The following DSC1 variants were observed in gnomAD, a reference collection of about 807,000 sequenced individuals.
The protein encoded by DSC1 is desmocollin 1.
A neutral mutation model predicts 98.8 loss-of-function variants in DSC1; 79 were observed. The observed-to-expected ratio is 0.80, with a 90% CI of 0.67 to 0.96. DSC1 has a LOEUF of 0.96. Among genes scored for constraint, DSC1 ranks in the 50% least tolerant of loss-of-function variants. The pLI, the probability that DSC1 is intolerant of heterozygous loss-of-function variation, is 0.00. For missense variants in DSC1, 1,115 were observed against 1,075.9 expected (o/e 1.04, Z -0.51); for synonymous variants, 405 against 372.1 (o/e 1.09, Z -1.02).
chr18:31,162,851 A>C lies in DSC1; in HGVS notation c.-257T>G. On this transcript the variant is annotated 5_prime_UTR_variant, in exon 1 of 16. Coordinates refer to ENST00000257198, the MANE Select transcript of DSC1 (RefSeq NM_024421.2). Reference sequence around the variant, plus strand: ...CGTCTAAATGCAAAGAGGCTTTCCTACAAGTGAGGAGGGTGGGGTACAAAA... The same window carrying C: ...CGTCTAAATGCAAAGAGGCTTTCCTCCAAGTGAGGAGGGTGGGGTACAAAA... 1 of 463,440 alleles carries C rather than the reference A, an allele frequency of 2.2e-6. No individual in the cohort carries two copies. The highest frequency in any genetic ancestry group is 3.9e-6 in the Non-Finnish European group (1 of 256,886). 28.7% of individuals were successfully genotyped at this position (463,440 alleles called of 1,614,324 possible). A position where few individuals can be genotyped will look rare whatever the true frequency, so the allele number is the denominator to read the frequency against.
chr18:31,159,489 A>C lies in DSC1; in HGVS notation c.104T>G (p.Leu35Arg). The C allele has an allele frequency of 6.2e-7, 1 of 1,613,568 alleles. No homozygotes were observed. Among genetic ancestry groups the C allele is most frequent in the Non-Finnish European group, 8.5e-7 (1 of 1,179,818 alleles). Residue 35 changes from leucine (L) to arginine (R), a missense_variant, in exon 2 of 16, where the codon CTT (leucine) becomes CGT (arginine). Leu to Arg is a moderately radical substitution (Grantham distance 102). Coordinates refer to ENST00000257198, the MANE Select transcript of DSC1 (RefSeq NM_024421.2). ...LLCDACQKVY[L>R]RVPSHLQAET... Reference sequence around the variant, plus strand: ...AGCCTGAAGATGAGAAGGAACTCGAAGATAAACTTTCTGACAAGCATCGCA... The same window carrying C: ...AGCCTGAAGATGAGAAGGAACTCGACGATAAACTTTCTGACAAGCATCGCA...
In DSC1 at chr18:31,139,749, TG is replaced by T; in HGVS notation, c.1661del (p.Ala554GlufsTer10). On this transcript the variant is annotated frameshift_variant and splice_region_variant, in exon 11 of 16. Transcript: ENST00000257198. LOFTEE classifies it high-confidence loss of function. ...TTATCTGTAGAAAATGGCACTCACC[TG>T]CATCCACTGCAACAACTGAAATATT... ...QYNISVVAVD[A>X]VGRSCTGTLV... The T allele has an allele frequency of 6.3e-7, 1 of 1,596,356 alleles. No individual in the cohort carries two copies. The highest frequency in any genetic ancestry group is 8.5e-7 in the Non-Finnish European group (1 of 1,173,740).
At chr18:31,156,526 C>T (rs1469670509) in intron 3 of DSC1, among the ~76,000 whole-genome samples, 1 of 152,192 alleles carries the variant, frequency 6.6e-6, no homozygotes, top group Non-Finnish European at 1.5e-5. Flanking sequence ...CCTCACTCCA[C>T]AATACAATCA....
chr18:31,132,831 T>G (rs1200750222), intron 13 of DSC1, 142 bp from the exon 14 acceptor site: 49 of 722,802 alleles, frequency 6.8e-5, no homozygotes, highest in Non-Finnish European at 1.0e-4. Context: ...AAACAGAATA[T>G]TTTAAAAATG....
In DSC1 at chr18:31,148,585, T is replaced by C; in HGVS notation, c.685A>G (p.Ile229Val). The change falls in exon 6 of 16, where the codon ATC becomes GTC. Residue 229 changes from isoleucine (I) to valine (V), a missense_variant. Physicochemically the swap from Ile to Val is conservative, Grantham distance 29. Coordinates refer to ENST00000257198, the MANE Select transcript of DSC1 (RefSeq NM_024421.2). ...TCATTATCATCTTCAATTTTGATGATCAAAGGGAGTGGATATTCTGGTGCA... is the reference window on the plus strand; with the variant it reads ...TCATTATCATCTTCAATTTTGATGACCAAAGGGAGTGGATATTCTGGTGCA... ...GYAPEYPLPL[I>V]IKIEDDNDNA... 1 of 1,611,724 alleles carries C rather than the reference T, an allele frequency of 6.2e-7. No individual in the cohort carries two copies. Among genetic ancestry groups the C allele is most frequent in the Non-Finnish European group, 8.5e-7 (1 of 1,178,252 alleles).
rs1988558202 is a variant in DSC1, at chr18:31,134,213, G to A, written c.1877-83C>T. On this transcript the variant is annotated intron_variant, in intron 12 of 15. Coordinates refer to ENST00000257198, the MANE Select transcript of DSC1 (RefSeq NM_024421.2). ...CCTACTCAATATTCTCAGTGGAAGG[G>A]AATCAATTTAGAATAAAAACTCGAA... 2.7e-6 allele frequency: 4 copies of A among 1,463,446 alleles called. No individual in the cohort carries two copies. The South Asian group carries it at 4.2e-5, about 15-fold the overall frequency. The allele number at this position is 1,463,446 out of a possible 1,614,324, so 90.7% of individuals were successfully genotyped here. A position where few individuals can be genotyped will look rare whatever the true frequency, so the allele number is the denominator to read the frequency against.
At chr18:31,143,604 G>A in intron 8 of DSC1, 53 bp downstream of exon 8, 1 of 1,389,226 alleles carries the variant, frequency 7.2e-7, no homozygotes, top group Non-Finnish European at 9.4e-7. Context: ...TTCTAGACAT[G>A]TTTTTTGAAA....
Position 31,145,656 on chromosome 18 carries a change from T to C in DSC1, c.894A>G (p.Pro298=). 1 of 1,614,204 alleles carries C rather than the reference T, an allele frequency of 6.2e-7. No homozygotes were observed. Among genetic ancestry groups the C allele is most frequent in the African/African-American group, 1.3e-5 (1 of 75,062 alleles). Residue 298 remains proline, a synonymous_variant, in exon 7 of 16, where the codon CCA becomes CCG. Coordinates refer to ENST00000257198, the MANE Select transcript of DSC1 (RefSeq NM_024421.2). ...PDHPKHFSIH[P]DTGVITTTTP... is the part of the protein sequence containing the mutation. ...TAGTTGTGGTGATGACACCGGTATC[T>C]GGGTGTATGGAGAAATGCTTTGGAT...
chr18:31,162,601 C>T lies in DSC1; in HGVS notation c.-7G>A. 4 of 1,614,060 alleles carry T rather than the reference C, an allele frequency of 2.5e-6. No individual in the cohort carries two copies. The highest frequency in any genetic ancestry group is 3.4e-6 in the Non-Finnish European group (4 of 1,179,952). ...CAGCAGAGGCCAGAGCCATCAGAAG[C>T]AGTCCCAATGGCCAGGGACGGTGGC... On this transcript the variant is annotated 5_prime_UTR_variant, in exon 1 of 16. Transcript: ENST00000257198.
At chr18:31,150,336 C>CTACCGCTAT (rs1988959180) in intron 5 of DSC1, among the ~76,000 whole-genome samples, 9 of 32,496 alleles carry the variant, frequency 2.8e-4, no homozygotes, top group African/African-American at 3.6e-4. Context: ...ACCACCACCA[C>CTACCGCTAT]TACCATCACC....
chr18:31,154,950 T>A, intron 4 of DSC1, 21 bp from the exon 5 acceptor site: 3 of 1,609,666 alleles, frequency 1.9e-6, no homozygotes, highest in Non-Finnish European at 2.5e-6. Flanking sequence ...AATTTAGGAA[T>A]AGAACAAATA....
At chr18:31,133,260 CAG>C (rs1488213946) in intron 13 of DSC1, among the ~76,000 whole-genome samples, 4 of 151,842 alleles carry the variant, frequency 2.6e-5, no homozygotes, top group Admixed American at 1.3e-4. Context: ...AAGAGAGAAA[CAG>C]AAAGAAAGAA....
intron 8 of DSC1, 103 bp downstream of exon 8, chr18:31,143,554 A>G (rs1326484053): frequency 8.8e-6 from 8 of 904,932 alleles, no homozygotes. Flanking sequence ...AGTTATTTAA[A>G]TCAAACTGTC....
chr18:31,138,988 C>G (rs1988671875), intron 11 of DSC1, among the ~76,000 whole-genome samples: 1 of 151,760 alleles, frequency 6.6e-6, no homozygotes, highest in African/African-American at 2.4e-5. Flanking sequence ...TTTTTATCAT[C>G]CTCTTTTAAT....
At position 31,130,631 on chromosome 18, in the gene DSC1, AC is replaced by A; in HGVS notation, c.2567del (p.Gly856ValfsTer7). On this transcript the variant is annotated frameshift_variant, in exon 16 of 16. Coordinates refer to ENST00000257198, the MANE Select transcript of DSC1 (RefSeq NM_024421.2). LOFTEE classifies it high-confidence loss of function. ...YVCSYNYEGK[G>X]SLAGSVGCCS... ...AGCAACCTACTGAGCCGGCCAGAGA[AC>A]CTTTGCCTTCATAGTTATACGAACA... 1 of 1,614,108 alleles carries A rather than the reference AC, an allele frequency of 6.2e-7. No individual in the cohort carries two copies. Among genetic ancestry groups the A allele is most frequent in the Non-Finnish European group, 8.5e-7 (1 of 1,180,022 alleles).
chr18:31,161,784 A>G (rs1489742354), intron 1 of DSC1, among the ~76,000 whole-genome samples: 1 of 152,180 alleles, frequency 6.6e-6, no homozygotes, highest in Non-Finnish European at 1.5e-5. Flanking sequence ...TCAACCCTGC[A>G]TTGTATATTA....
At chr18:31,142,578 G>A (rs1054512299) in intron 8 of DSC1, among the ~76,000 whole-genome samples, 2 of 152,122 alleles carry the variant, frequency 1.3e-5, no homozygotes, top group Non-Finnish European at 2.9e-5. Flanking sequence ...AATTATAAAC[G>A]TATGTTGGCT....
At chr18:31,139,600 TAAACTGGGTGATATCC>T in intron 11 of DSC1, 132 bp downstream of exon 11, 1 of 823,870 alleles carries the variant, frequency 1.2e-6, no homozygotes, top group South Asian at 2.6e-5. Flanking sequence ...CACTGAAGCC[TAAACTGGGTGATATCC>T]AATAACATGA....
intron 5 of DSC1, among the ~76,000 whole-genome samples, chr18:31,150,397 T>TATCATCACC (rs1555645637): frequency 2.0e-3 from 36 of 17,908 alleles, no homozygotes; most frequent in East Asian, 0.011. Context: ...TCACCACCAT[T>TATCATCACC]ATCACCACCA....
Sources: gnomAD v4.1 joint callset for allele counts (sites outside exome capture counted in the v4.1 genomes callset) on GRCh38, gnomAD v4.1.1 for gene constraint, MANE v1.5 for transcripts, NCBI Gene and HGNC (gene_info 2026-07-23, HGNC 2026-07-21) for gene names.